Variants in CCDC112 observed in about 807,000 individuals in gnomAD.
CCDC112 encodes the protein coiled-coil domain-containing protein 112.
In CCDC112, 40 loss-of-function variants were observed where a neutral mutation model predicts 66.3. The ratio of observed to expected loss-of-function variants is 0.60; its 90% CI spans 0.47 to 0.79. The LOEUF (loss-of-function observed/expected upper bound fraction) is 0.79. Among genes scored for constraint, CCDC112 ranks in the 30% least tolerant of loss-of-function variants. The pLI, the probability that CCDC112 is intolerant of heterozygous loss-of-function variation, is 0.00. For synonymous variants in CCDC112, 214 were observed against 197.2 expected, an observed-to-expected ratio of 1.09 and a Z score of -0.71; for missense variants, 659 against 603.8, an observed-to-expected ratio of 1.09 and a Z score of -0.96.
intron 6 of CCDC112, 126 bp from the exon 7 acceptor site, chr5:115,271,752 T>G: frequency 1.6e-6 from 1 of 629,162 alleles, no homozygotes. Context: ...GATGCTTAGG[T>G]TTTTCAGCTT....
rs1166771685 is a variant in CCDC112, at chr5:115,275,574, G to C, written c.560C>G (p.Thr187Ser). Residue 187 changes from threonine to serine, a missense_variant, in exon 6 of 10, where the codon ACT becomes AGT. Transcript: ENST00000379611. ...YEELIKEEKTTNNELSAISRK... is the reference protein window; with the variant it reads ...YEELIKEEKTSNNELSAISRK... ...TGATATGGCACTCAACTCATTATTAGTTGTCTTCTCTTCTTTAATTAGCTC... is the reference window on the plus strand; with the variant it reads ...TGATATGGCACTCAACTCATTATTACTTGTCTTCTCTTCTTTAATTAGCTC... The C allele has an allele frequency of 6.3e-7, 1 of 1,597,496 alleles. No homozygotes were observed. The highest frequency in any genetic ancestry group is 8.5e-7 in the Non-Finnish European group (1 of 1,170,666).
chr5:115,276,979 T>C lies in CCDC112; in HGVS notation c.437A>G (p.Lys146Arg), dbSNP rs1238288131. The C allele has an allele frequency of 6.2e-7, 1 of 1,600,986 alleles. No individual in the cohort carries two copies. The highest frequency in any genetic ancestry group is 1.7e-5 in the Admixed American group (1 of 59,842). Residue 146 changes from lysine to arginine, a missense_variant, in exon 4 of 10, where the codon AAG becomes AGG. Physicochemically the swap from Lys to Arg is conservative, Grantham distance 26 (BLOSUM62 2). Transcript: ENST00000379611. Reference sequence around the variant, plus strand: ...AATTTACTTACAATCAGGTGTAGGCTTCACATCTTTTAATTGATGCTGAAG... The same window carrying C: ...AATTTACTTACAATCAGGTGTAGGCCTCACATCTTTTAATTGATGCTGAAG... Reference protein sequence around the residue: ...KKLQHQLKDVKPTPDFVEKLR... With the variant: ...KKLQHQLKDVRPTPDFVEKLR...
intron 2 of CCDC112, among the ~76,000 whole-genome samples, chr5:115,283,181 C>T (rs1189251761): frequency 5.3e-5 from 8 of 152,036 alleles, no homozygotes; most frequent in African/African-American, 1.7e-4. Flanking sequence ...GCATACAATA[C>T]GTTATTATTA....
At chr5:115,291,303 A>G (rs1200926837) in intron 1 of CCDC112, among the ~76,000 whole-genome samples, 3 of 152,120 alleles carry the variant, frequency 2.0e-5, no homozygotes, top group African/African-American at 7.2e-5. Flanking sequence ...TTCATATATT[A>G]AACCAACACT....
intron 1 of CCDC112, among the ~76,000 whole-genome samples, chr5:115,288,535 G>A (rs1340732138): frequency 2.6e-5 from 4 of 152,068 alleles, no homozygotes; most frequent in African/African-American, 9.7e-5. Flanking sequence ...ATTCTGACAG[G>A]GAAAGCCATG....
At chr5:115,277,151 C>A in intron 3 of CCDC112, 97 bp from the exon 4 acceptor site, 1 of 667,258 alleles carries the variant, frequency 1.5e-6, no homozygotes, top group East Asian at 2.6e-5. Flanking sequence ...TAGTAAAAGC[C>A]AAGAGCAATT....
At chr5:115,278,580 C>T (rs1561495836) in intron 3 of CCDC112, among the ~76,000 whole-genome samples, 1 of 151,928 alleles carries the variant, frequency 6.6e-6, no homozygotes, top group Non-Finnish European at 1.5e-5. Flanking sequence ...CTAAAATTTG[C>T]ACAAAATTTT....
chr5:115,296,199 G>C, intron 1 of CCDC112: 1 of 1,277,152 alleles, frequency 7.8e-7, no homozygotes, highest in Non-Finnish European at 9.9e-7. Context: ...AAGCGGCAGA[G>C]CCGGGTTCCC....
At chr5:115,290,423 T>C (rs1039907318) in intron 1 of CCDC112, among the ~76,000 whole-genome samples, 2 of 152,208 alleles carry the variant, frequency 1.3e-5, no homozygotes, top group Non-Finnish European at 2.9e-5. Context: ...CCTTCAACTT[T>C]GTTCTTCTTT....
At chr5:115,280,309 G>A (rs985386252) in intron 2 of CCDC112, 1 of 152,138 alleles carries the variant, frequency 6.6e-6, no homozygotes, top group South Asian at 2.1e-4. Context: ...GGAAATGCCA[G>A]TTATTAATAT....
chr5:115,296,544 G>T lies in CCDC112; in HGVS notation c.-1C>A. Reference sequence around the variant, plus strand: ...CCACAACCGTCGTCAGTGCGGCCATGTTTACCCGCCGAGCTACTCGGGCCG... The same window carrying T: ...CCACAACCGTCGTCAGTGCGGCCATTTTTACCCGCCGAGCTACTCGGGCCG... On this transcript the variant is annotated 5_prime_UTR_variant, in exon 1 of 10. Transcript: ENST00000379611. 1 of 1,489,668 alleles carries T rather than the reference G, an allele frequency of 6.7e-7. No individual in the cohort carries two copies. Among genetic ancestry groups the T allele is most frequent in the Non-Finnish European group, 8.9e-7 (1 of 1,122,216 alleles). 92.3% of individuals were successfully genotyped at this position (1,489,668 alleles called of 1,614,324 possible).
chr5:115,292,179 T>C (rs1480978635), intron 1 of CCDC112, among the ~76,000 whole-genome samples: 3 of 152,164 alleles, frequency 2.0e-5, no homozygotes, highest in Non-Finnish European at 2.9e-5. Flanking sequence ...CTCTGTTCAT[T>C]TTTCTTCATT....
intron 6 of CCDC112, 147 bp downstream of exon 6, chr5:115,275,069 G>C: frequency 1.5e-6 from 1 of 666,956 alleles, no homozygotes. Context: ...CAATGCCTCA[G>C]TTTCATCTTC....
Position 115,275,223 on chromosome 5 carries a change from T to C in CCDC112, c.911A>G (p.Lys304Arg), listed in dbSNP as rs1244378734. 1.2e-6 allele frequency: 2 copies of C among 1,603,084 alleles called. No homozygotes were observed. Among genetic ancestry groups the C allele is most frequent in the Admixed American group, 1.7e-5 (1 of 57,366 alleles). The stretch of plus-strand genomic sequence containing the variant: ...AGCTATTATAATTATTACCTCTTTT[T>C]TTCTTTCTTCTAGAGCCAGAAACTT... ...YQKFLALEERKKESIQIWKTK... is the reference protein window; with the variant it reads ...YQKFLALEERRKESIQIWKTK... The change falls in exon 6 of 10, where the codon AAA becomes AGA. Residue 304 changes from lysine (K) to arginine (R), a missense_variant. Coordinates refer to ENST00000379611, the MANE Select transcript of CCDC112 (RefSeq NM_001040440.3).
intron 1 of CCDC112, among the ~76,000 whole-genome samples, chr5:115,285,402 CA>C (rs1341354910): frequency 2.0e-5 from 3 of 152,118 alleles, no homozygotes; most frequent in African/African-American, 7.2e-5. Flanking sequence ...GAAAGGGTTT[CA>C]GTTACAGTGG....
intron 2 of CCDC112, among the ~76,000 whole-genome samples, chr5:115,282,515 C>T (rs1749499677): frequency 6.6e-6 from 1 of 152,032 alleles, no homozygotes; most frequent in Non-Finnish European, 1.5e-5. Context: ...ATTTGACTTA[C>T]CTAACTATAA....
intron 1 of CCDC112, among the ~76,000 whole-genome samples, chr5:115,288,350 G>A (rs1283751371): frequency 3.9e-5 from 6 of 152,144 alleles, no homozygotes; most frequent in African/African-American, 1.4e-4. Flanking sequence ...TCCTTAAGAG[G>A]TGATCAAGTA....
chr5:115,290,374 T>C (rs1019679931), intron 1 of CCDC112, among the ~76,000 whole-genome samples: 2 of 152,228 alleles, frequency 1.3e-5, no homozygotes, highest in African/African-American at 4.8e-5. Flanking sequence ...TTGATTACTG[T>C]GGCTTTGAAG....
Position 115,284,720 on chromosome 5 carries a change from T to C in CCDC112, c.239+67A>G, listed in dbSNP as rs1749602359. On this transcript the variant is annotated intron_variant, in intron 2 of 9. Coordinates refer to ENST00000379611, the MANE Select transcript of CCDC112 (RefSeq NM_001040440.3). ...TGAGCCTAGGTAGGGTAGAGTAGAA[T>C]TAATTTTTTATTGTCCATTATAAAA... 16 of 1,309,412 alleles carry C rather than the reference T, an allele frequency of 1.2e-5. No homozygotes were observed. The South Asian group carries it at 1.7e-4, about 14-fold the overall frequency. The allele number at this position is 1,309,412 out of a possible 1,614,324, so 81.1% of individuals were successfully genotyped here.
Sources: allele counts gnomAD v4.1 joint callset (sites outside exome capture counted in the v4.1 genomes callset), GRCh38; gene constraint gnomAD v4.1.1; transcripts MANE v1.5; gene names NCBI Gene and HGNC (gene_info 2026-07-23, HGNC 2026-07-21).